The following TMEM237 variants were observed in gnomAD, a reference collection of about 807,000 sequenced individuals.
The protein encoded by TMEM237 is transmembrane protein 237.
A neutral mutation model predicts 59.1 loss-of-function variants in TMEM237; 51 were observed. The observed-to-expected ratio is 0.86, with a 90% CI of 0.69 to 1.09. The LOEUF is 1.09. Among genes scored for constraint, TMEM237 ranks in the 50% least tolerant of loss-of-function variants. TMEM237 has a pLI of 0.00. For synonymous variants in TMEM237, 140 were observed against 166.1 expected, an observed-to-expected ratio of 0.84 and a Z score of 1.21; for missense variants, 475 against 478.3, an observed-to-expected ratio of 0.99 and a Z score of 0.06.
At chr2:201,641,456 T>C (rs1687416439) in intron 1 of TMEM237, among the ~76,000 whole-genome samples, 1 of 152,074 alleles carries the variant, frequency 6.6e-6, no homozygotes, top group Non-Finnish European at 1.5e-5. Context: ...CTAAATTTCA[T>C]ATAAAATTCC....
At chr2:201,626,534 G>GAAA (rs751155005) in intron 11 of TMEM237, among the ~76,000 whole-genome samples, 103 of 96,008 alleles carry the variant, frequency 1.1e-3, no homozygotes, top group East Asian at 3.2e-3. Context: ...AGCATTTGGG[G>GAAA]AAAAAAAAAA....
Position 201,625,341 on chromosome 2 carries a change from G to A in TMEM237, c.1159+685C>T, listed in dbSNP as rs140329541. Among the ~76,000 whole-genome samples, 85 of 151,400 alleles carry A rather than the reference G, an allele frequency of 5.6e-4. 1 individual carries two copies. The East Asian group carries it at 0.015, about 27-fold the overall frequency. ...CGAGCCACTGTACTCTGACCTGGGC[G>A]ACACAGCGAGACTCCATCTCCAAAA... On this transcript the variant is annotated intron_variant, in intron 12 of 12. Transcript: ENST00000409883.
intron 1 of TMEM237, among the ~76,000 whole-genome samples, chr2:201,641,785 A>C (rs1004146917): frequency 1.4e-4 from 22 of 151,994 alleles, no homozygotes; most frequent in Non-Finnish European, 2.9e-5. Context: ...TTTGTTAGGG[A>C]AAGTTTCTCT....
At chr2:201,642,354 A>T (rs1687441576) in intron 1 of TMEM237, among the ~76,000 whole-genome samples, 1 of 152,192 alleles carries the variant, frequency 6.6e-6, no homozygotes, top group African/African-American at 2.4e-5. Flanking sequence ...AGGACGAGGC[A>T]AGCTGCCGTA....
chr2:201,626,527 A>G (rs1226138338), intron 11 of TMEM237, among the ~76,000 whole-genome samples: 4 of 121,508 alleles, frequency 3.3e-5, no homozygotes, highest in African/African-American at 9.8e-5. Flanking sequence ...TACGTGCAGC[A>G]TTTGGGGAAA....
At chr2:201,630,604 G>A (rs538194322) in intron 7 of TMEM237, among the ~76,000 whole-genome samples, 1 of 152,300 alleles carries the variant, frequency 6.6e-6, no homozygotes, top group Non-Finnish European at 1.5e-5. Flanking sequence ...CTTCTGGGCA[G>A]ACAATAGAAC....
In TMEM237 at chr2:201,621,964, C is replaced by G. The variant is rs1378512651; in HGVS notation, c.*2291G>C. On this transcript the variant is annotated 3_prime_UTR_variant, in exon 13 of 13. Transcript: ENST00000409883. ...TTCCAAACTTCCCTGTCATCACAGT[C>G]AAACAATTTTTGAGACACACCAGAA... 1.3e-5 allele frequency: 2 copies of G among 152,226 alleles called. No individual in the cohort carries two copies. Among genetic ancestry groups the G allele is most frequent in the African/African-American group, 2.4e-5 (1 of 41,448 alleles). The allele number at this position is 152,226 out of a possible 1,614,324, so 9.4% of individuals were successfully genotyped here. A position where few individuals can be genotyped will look rare whatever the true frequency, so the allele number is the denominator to read the frequency against.
chr2:201,633,288 T>A (rs764217788), intron 6 of TMEM237, 23 bp downstream of exon 6: 11 of 1,588,036 alleles, frequency 6.9e-6, no homozygotes, highest in Non-Finnish European at 9.4e-6. Context: ...GGAGAATAGT[T>A]AGAAGAATAA....
At chr2:201,640,503 T>C (rs1687391853) in intron 2 of TMEM237, among the ~76,000 whole-genome samples, 1 of 152,170 alleles carries the variant, frequency 6.6e-6, no homozygotes, top group African/African-American at 2.4e-5. Flanking sequence ...TACATATACA[T>C]ATTCCCTACT....
chr2:201,628,179 C>T (rs761890001), intron 9 of TMEM237, 30 bp from the exon 10 acceptor site: 21 of 1,497,882 alleles, frequency 1.4e-5, no homozygotes, highest in African/African-American at 2.8e-5. Context: ...CTTGTCACAG[C>T]GCAGTTGTAA....
intron 7 of TMEM237, among the ~76,000 whole-genome samples, chr2:201,630,380 A>G (rs1345509823): frequency 6.6e-6 from 1 of 152,244 alleles, no homozygotes; most frequent in Non-Finnish European, 1.5e-5. Context: ...TGTGAAGAAC[A>G]TCAGTTCAAA....
intron 11 of TMEM237, chr2:201,626,407 T>C (rs889539576): frequency 4.4e-5 from 12 of 271,146 alleles, no homozygotes; most frequent in Non-Finnish European, 8.3e-5. Context: ...GAAAATTCTC[T>C]AAAAGTTTTC....
rs931444284 is a variant in TMEM237, at chr2:201,636,814, T to C, written c.208A>G (p.Lys70Glu). The C allele has an allele frequency of 3.7e-6, 6 of 1,602,018 alleles. No homozygotes were observed. The highest frequency in any genetic ancestry group is 5.1e-6 in the Non-Finnish European group (6 of 1,174,184). Residue 70 changes from lysine (K) to glutamate (E), a missense_variant, in exon 5 of 13, where the codon AAA becomes GAA. Transcript: ENST00000409883. Reference protein sequence around the residue: ...RPSEGNEPSTKELKEHPEAPV... With the variant: ...RPSEGNEPSTEELKEHPEAPV... ...GCCTCTGGGTGCTCTTTGAGTTCTTTAGTTGATGGCTCATTGCCCTCAGAG... is the reference window on the plus strand; with the variant it reads ...GCCTCTGGGTGCTCTTTGAGTTCTTCAGTTGATGGCTCATTGCCCTCAGAG...
intron 7 of TMEM237, among the ~76,000 whole-genome samples, chr2:201,631,712 T>C (rs1208406554): frequency 6.6e-6 from 1 of 152,186 alleles, no homozygotes; most frequent in Non-Finnish European, 1.5e-5. Context: ...GTCCTATGCA[T>C]AGATCAAACT....
chr2:201,632,696 A>C (rs889716461), intron 6 of TMEM237, among the ~76,000 whole-genome samples: 5 of 152,184 alleles, frequency 3.3e-5, no homozygotes, highest in Non-Finnish European at 7.4e-5. Flanking sequence ...AAGTTTCCTG[A>C]GGCACCCCCA....
rs1322889552 is a variant in TMEM237 at position 201,624,321 on chromosome 2, C to T, written c.1161G>A (p.Glu387=). Residue 387 remains glutamate, a splice_region_variant and synonymous_variant, in exon 13 of 13, where the codon GAG becomes GAA. Transcript: ENST00000409883. ...SYRPGMDLSE[E]LMFSSEVEEY... Reference sequence around the variant, plus strand: ...CTTCCACCTCTGAGGAGAACATTAACTCTGGAGAAGAAAATGAACAGATCA... The same window carrying T: ...CTTCCACCTCTGAGGAGAACATTAATTCTGGAGAAGAAAATGAACAGATCA... 1 of 1,610,046 alleles carries T rather than the reference C, an allele frequency of 6.2e-7. No homozygotes were observed. Among genetic ancestry groups the T allele is most frequent in the South Asian group, 1.1e-5 (1 of 90,452 alleles).
intron 7 of TMEM237, 49 bp downstream of exon 7, chr2:201,632,002 T>C: frequency 1.3e-6 from 2 of 1,595,194 alleles, no homozygotes; most frequent in South Asian, 2.2e-5. Context: ...AAGGATATCC[T>C]TGGACAATTT....
chr2:201,642,767 G>T (rs1296596447), intron 1 of TMEM237: 3 of 1,440,956 alleles, frequency 2.1e-6, no homozygotes, highest in African/African-American at 3.0e-5. Flanking sequence ...GCCCTGCGGG[G>T]ATGTTGCGGT....
intron 6 of TMEM237, 90 bp from the exon 7 acceptor site, chr2:201,632,298 G>T: frequency 7.2e-7 from 1 of 1,394,306 alleles, no homozygotes; most frequent in Non-Finnish European, 9.8e-7. Flanking sequence ...TAATGGAAAG[G>T]GCCCTGGACT....
Sources: allele counts gnomAD v4.1 joint callset (sites outside exome capture counted in the v4.1 genomes callset), GRCh38; gene constraint gnomAD v4.1.1; transcripts MANE v1.5; gene names NCBI Gene and HGNC (gene_info 2026-07-23, HGNC 2026-07-21).